The following CLDN14 variants were observed in gnomAD, a reference collection of about 807,000 sequenced individuals.
CLDN14 encodes the protein claudin-14.
CLDN14 carries 2 observed loss-of-function variants against 2.1 expected under a neutral mutation model. The ratio of observed to expected loss-of-function variants is 0.96; its 90% CI spans 0.39 to 3.01. CLDN14 has a LOEUF of 3.01. Among genes scored for constraint, CLDN14 ranks in the 30% most tolerant of loss-of-function variants. CLDN14 has a pLI of 0.09. For synonymous variants in CLDN14, 136 were observed against 154.4 expected, an observed-to-expected ratio of 0.88 and a Z score of 0.88; for missense variants, 298 against 328.0, an observed-to-expected ratio of 0.91 and a Z score of 0.71.
chr21:36,545,094 A>G (rs2087517890), intron 1 of CLDN14, among the ~76,000 whole-genome samples: 1 of 152,208 alleles, frequency 6.6e-6, no homozygotes, highest in African/African-American at 2.4e-5. Context: ...TCTGAAGCCC[A>G]TGGAGAGAGG....
intron 2 of CLDN14, among the ~76,000 whole-genome samples, chr21:36,494,759 T>C (rs922635477): frequency 1.9e-4 from 29 of 152,204 alleles, no homozygotes; most frequent in Non-Finnish European, 2.9e-5. Flanking sequence ...AAACCCACCC[T>C]GTGGGTGCCT....
At chr21:36,475,470 G>A (rs2086766278) in intron 1 of CLDN14, among the ~76,000 whole-genome samples, 1 of 152,194 alleles carries the variant, frequency 6.6e-6, no homozygotes, top group Non-Finnish European at 1.5e-5. Flanking sequence ...CGCTGACTGG[G>A]GTGGGGTCCA....
chr21:36,482,452 A>G (rs373974648), upstream of CLDN14, among the ~76,000 whole-genome samples: 2,377 of 114,738 alleles, frequency 0.021, 69 homozygotes, highest in African/African-American at 0.082. Flanking sequence ...ATGGATGGAT[A>G]GATGGATGGA....
intron 1 of CLDN14, among the ~76,000 whole-genome samples, chr21:36,523,975 G>A (rs1281271504): frequency 2.0e-5 from 3 of 152,066 alleles, no homozygotes; most frequent in Non-Finnish European, 4.4e-5. Flanking sequence ...CACCCTGAAT[G>A]CCAGTTCCAA....
At chr21:36,483,358 C>A (rs1472780402), upstream of CLDN14, among the ~76,000 whole-genome samples, 1 of 152,252 alleles carries the variant, frequency 6.6e-6, no homozygotes, top group Non-Finnish European at 1.5e-5. Context: ...GCAAATGTTA[C>A]AACTGGAGGG....
At chr21:36,575,339 T>C (rs1186724860) in intron 1 of CLDN14, among the ~76,000 whole-genome samples, 6 of 152,202 alleles carry the variant, frequency 3.9e-5, no homozygotes, top group Non-Finnish European at 8.8e-5. Context: ...TTCTATCCTA[T>C]ATCATTTACT....
intron 2 of CLDN14, among the ~76,000 whole-genome samples, chr21:36,509,122 ACCTGGC>A (rs1206560263): frequency 6.6e-6 from 1 of 152,168 alleles, no homozygotes; most frequent in Non-Finnish European, 1.5e-5. Context: ...TCCTGTCTCC[ACCTGGC>A]CCTGGGCATG....
intron 1 of CLDN14, among the ~76,000 whole-genome samples, chr21:36,553,181 C>G (rs1305449651): frequency 6.6e-6 from 1 of 152,182 alleles, no homozygotes; most frequent in Non-Finnish European, 1.5e-5. Flanking sequence ...CCTCGAGGCC[C>G]CCGTCTGTTG....
chr21:36,499,571 C>T lies in CLDN14; in HGVS notation c.-82+10792G>A, dbSNP rs1480019614. 6.6e-6 allele frequency among the ~76,000 whole-genome samples: 1 copy of T among 152,028 alleles called. No homozygotes were observed. Among genetic ancestry groups the T allele is most frequent in the Middle Eastern group, 3.2e-3 (1 of 316 alleles). ...CTTGTTGCAATGTCCGTACCAGGGC[C>T]CCAACCCAGACCTACCGAATCAGAA... On this transcript the variant is annotated intron_variant, in intron 2 of 2. Transcript: ENST00000342108. The surrounding 1 kb of genome is among the most constrained non-coding windows in gnomAD (Gnocchi z 4.7).
intron 1 of CLDN14, among the ~76,000 whole-genome samples, chr21:36,539,077 G>C (rs964126556): frequency 7.9e-5 from 12 of 152,222 alleles, no homozygotes; most frequent in African/African-American, 2.9e-4. Context: ...TGATGGCTGG[G>C]AAGTCTCTGT....
chr21:36,545,915 G>A (rs1347872175), intron 1 of CLDN14, among the ~76,000 whole-genome samples: 1 of 152,176 alleles, frequency 6.6e-6, no homozygotes. Flanking sequence ...TTGGACCCAG[G>A]ACTTCACCAA....
chr21:36,479,179 C>T (rs2086814809), intron 1 of CLDN14, among the ~76,000 whole-genome samples: 1 of 152,194 alleles, frequency 6.6e-6, no homozygotes, highest in Admixed American at 6.5e-5. Flanking sequence ...TGAACAGATT[C>T]AGTCCTTCCT....
intron 1 of CLDN14, among the ~76,000 whole-genome samples, chr21:36,552,720 C>G: frequency 1.3e-5 from 1 of 76,440 alleles, no homozygotes; most frequent in Non-Finnish European, 3.8e-5. Flanking sequence ...AAAAAATCTT[C>G]CTGAATTGGA....
chr21:36,523,777 A>AGAGAG (rs2087294888), intron 1 of CLDN14, among the ~76,000 whole-genome samples: 1 of 68,890 alleles, frequency 1.5e-5, no homozygotes, highest in Non-Finnish European at 2.8e-5. Flanking sequence ...GAAAGAGAGA[A>AGAGAG]AGAGAGAAAG....
chr21:36,465,540 A>C (rs1262924131), intron 1 of CLDN14, among the ~76,000 whole-genome samples: 2 of 152,208 alleles, frequency 1.3e-5, no homozygotes, highest in Non-Finnish European at 2.9e-5. Flanking sequence ...ACTTCCCCGC[A>C]ACTACTTTTC....
intron 1 of CLDN14, among the ~76,000 whole-genome samples, chr21:36,468,763 CTTTCT>C (rs771155620): frequency 0.023 from 3,442 of 148,156 alleles, 65 homozygotes; most frequent in Admixed American, 0.066. Context: ...TTCTTTCTTT[CTTTCT>C]TTTTTTTTTG....
intron 1 of CLDN14, among the ~76,000 whole-genome samples, chr21:36,462,117 C>T (rs1402671820): frequency 1.3e-5 from 2 of 152,176 alleles, no homozygotes; most frequent in Non-Finnish European, 2.9e-5. Flanking sequence ...GTTGTTAAAT[C>T]AACATGTATT....
intron 1 of CLDN14, among the ~76,000 whole-genome samples, chr21:36,533,127 C>T (rs982241364): frequency 6.6e-6 from 1 of 152,158 alleles, no homozygotes; most frequent in Non-Finnish European, 1.5e-5. Context: ...AAAACACATT[C>T]GGTGGGGCCG....
intron 1 of CLDN14, among the ~76,000 whole-genome samples, chr21:36,523,787 GAA>G (rs371677726): frequency 0.51 from 28,575 of 56,256 alleles, 8,602 homozygotes; most frequent in Non-Finnish European, 0.64. Flanking sequence ...AAGAGAGAAA[GAA>G]AGAAAGAAAG....
Sources: gnomAD v4.1 joint callset for allele counts (sites outside exome capture counted in the v4.1 genomes callset) on GRCh38, gnomAD v4.1.1 for gene constraint, Gnocchi (gnomAD v3.1) non-coding constraint, MANE v1.5 for transcripts, NCBI Gene and HGNC (gene_info 2026-07-23, HGNC 2026-07-21) for gene names.